The following GALNT15 variants were observed in gnomAD, a reference collection of about 807,000 sequenced individuals.
The protein encoded by GALNT15 is polypeptide N-acetylgalactosaminyltransferase 15.
A neutral mutation model predicts 66.8 loss-of-function variants in GALNT15; 67 were observed. The observed-to-expected ratio is 1.00, with a 90% confidence interval of 0.82 to 1.23. The LOEUF is 1.23. Ranked by LOEUF, GALNT15 falls within the 50% of genes most tolerant of loss-of-function variation. The pLI is 0.00. For missense variants in GALNT15, 827 were observed against 804.3 expected (o/e 1.03, Z -0.34); for synonymous variants, 313 against 311.5 (o/e 1.00, Z -0.05).
Position 16,175,689 on chromosome 3 carries a change from C to T in GALNT15, c.538C>T (p.Leu180=), listed in dbSNP as rs1171257203. The T allele has an allele frequency of 6.4e-7, 1 of 1,572,902 alleles. No individual in the cohort carries two copies. Among genetic ancestry groups the T allele is most frequent in the Non-Finnish European group, 8.6e-7 (1 of 1,159,248 alleles). ...QRALPEVRHP[L]CLQQHPQDSL... is the part of the protein sequence containing the mutation. ...GGCTCTGCCCGAGGTGCGGCACCCACTGTAAGTAAGGCCCTTGTTTTCCCT... is the reference window on the plus strand; with the variant it reads ...GGCTCTGCCCGAGGTGCGGCACCCATTGTAAGTAAGGCCCTTGTTTTCCCT... Residue 180 remains leucine (L), a splice_region_variant and synonymous_variant, in exon 1 of 10, where the codon CTG becomes TTG. Transcript: ENST00000339732. This position sits in a 1 kb window ranked among gnomAD's most constrained non-coding sequence, Gnocchi z 5.6.
rs756051985 is a variant in GALNT15, at chr3:16,193,454, C to T, written c.540-2306C>T. ...TCAAATCATTTATGGAAATAAATAG[C>T]TTGTAAATTTATAAACCAACAAAAT... On this transcript the variant is annotated intron_variant, in intron 1 of 9. Coordinates refer to ENST00000339732, the MANE Select transcript of GALNT15 (RefSeq NM_054110.5). This position sits in a 1 kb window ranked among gnomAD's most constrained non-coding sequence, Gnocchi z 4.7. 2.6e-5 allele frequency among the ~76,000 whole-genome samples: 4 copies of T among 152,086 alleles called. No homozygotes were observed. The highest frequency in any genetic ancestry group is 4.4e-5 in the Non-Finnish European group (3 of 68,012).
rs949695870 is a variant in GALNT15, at chr3:16,219,155, G to A, written c.1393-248G>A. On this transcript the variant is annotated intron_variant, in intron 6 of 9. Transcript: ENST00000339732. The surrounding 1 kb of genome is among the most constrained non-coding windows in gnomAD (Gnocchi z 4.3). ...GGAGATTTGAGGGATTGTGGGAAGGGGCTGATATCACTTACAGTCTTGCTG... is the reference window on the plus strand; with the variant it reads ...GGAGATTTGAGGGATTGTGGGAAGGAGCTGATATCACTTACAGTCTTGCTG... Among the ~76,000 whole-genome samples the A allele has an allele frequency of 1.3e-5, 2 of 152,066 alleles. No homozygotes were observed. The highest frequency in any genetic ancestry group is 2.4e-5 in the African/African-American group (1 of 41,400).
intron 3 of GALNT15, among the ~76,000 whole-genome samples, chr3:16,205,402 G>A (rs1431690093): frequency 6.6e-6 from 1 of 152,200 alleles, no homozygotes; most frequent in Non-Finnish European, 1.5e-5. Context: ...TAATGTATTC[G>A]TTGATCTCAC....
rs1045282200 is a variant in GALNT15 at position 16,203,071 on chromosome 3, T to C, written c.911+2248T>C. On this transcript the variant is annotated intron_variant, in intron 3 of 9. Coordinates refer to ENST00000339732, the MANE Select transcript of GALNT15 (RefSeq NM_054110.5). The surrounding 1 kb of genome is among the most constrained non-coding windows in gnomAD (Gnocchi z 6.2). ...GGCAGGTATTTTAGCTTCTGTTTTA[T>C]AGGGGGAGAAATTGAGGCTCAGAGA... Among the ~76,000 whole-genome samples the C allele has an allele frequency of 2.0e-5, 3 of 152,196 alleles. No homozygotes were observed. Among genetic ancestry groups the C allele is most frequent in the East Asian group, 3.8e-4 (2 of 5,202 alleles).
chr3:16,205,168 T>C (rs2063744331), intron 3 of GALNT15, among the ~76,000 whole-genome samples: 1 of 152,166 alleles, frequency 6.6e-6, no homozygotes, highest in Non-Finnish European at 1.5e-5. Flanking sequence ...GCAAGAGCAC[T>C]GGGAAGGGAG....
Position 16,219,682 on chromosome 3 carries a change from G to T in GALNT15, c.1524+148G>T. ...GGGTCCATCCCGTGCCTCCATGCCAGTCTGAGGAAGGTGGCTGAGTTTTGC... is the reference window on the plus strand; with the variant it reads ...GGGTCCATCCCGTGCCTCCATGCCATTCTGAGGAAGGTGGCTGAGTTTTGC... On this transcript the variant is annotated intron_variant, in intron 7 of 9. Coordinates refer to ENST00000339732, the MANE Select transcript of GALNT15 (RefSeq NM_054110.5). The surrounding 1 kb of genome is among the most constrained non-coding windows in gnomAD (Gnocchi z 4.3). 8.4e-7 allele frequency: 1 copy of T among 1,194,598 alleles called. No individual in the cohort carries two copies. Among genetic ancestry groups the T allele is most frequent in the Non-Finnish European group, 1.2e-6 (1 of 841,858 alleles). The allele number at this position is 1,194,598 out of a possible 1,614,324, so 74.0% of individuals were successfully genotyped here. A position where few individuals can be genotyped will look rare whatever the true frequency, so the allele number is the denominator to read the frequency against.
At chr3:16,178,525 C>T (rs1307430118) in intron 1 of GALNT15, among the ~76,000 whole-genome samples, 1 of 152,180 alleles carries the variant, frequency 6.6e-6, no homozygotes, top group Admixed American at 6.5e-5. Context: ...CTCTGCTGGC[C>T]CCGGCTGGTG....
At chr3:16,207,872 G>A (rs1244871550) in intron 3 of GALNT15, among the ~76,000 whole-genome samples, 1 of 152,202 alleles carries the variant, frequency 6.6e-6, no homozygotes, top group African/African-American at 2.4e-5. Context: ...AAGAGCCACA[G>A]TCCTAGAGCA....
intron 3 of GALNT15, among the ~76,000 whole-genome samples, chr3:16,202,049 A>T (rs2063709035): frequency 6.6e-6 from 1 of 152,250 alleles, no homozygotes; most frequent in Non-Finnish European, 1.5e-5. Flanking sequence ...GAAGTTAGGG[A>T]TGATCAATCA....
In GALNT15 at chr3:16,189,354, G is replaced by A. The variant is rs138682787; in HGVS notation, c.540-6406G>A. ...TCTGAGCATGGCACCCACTGGTGTT[G>A]GGCAATGCACCAGCCCTAGTGGTTG... On this transcript the variant is annotated intron_variant, in intron 1 of 9. Coordinates refer to ENST00000339732, the MANE Select transcript of GALNT15 (RefSeq NM_054110.5). This position sits in a 1 kb window ranked among gnomAD's most constrained non-coding sequence, Gnocchi z 5.1. 3.3e-5 allele frequency among the ~76,000 whole-genome samples: 5 copies of A among 152,280 alleles called. No homozygotes were observed. The highest frequency in any genetic ancestry group is 1.2e-4 in the African/African-American group (5 of 41,558).
chr3:16,246,293 TG>T, the GALNT15 span, among the ~76,000 whole-genome samples: 1 of 150,446 alleles, frequency 6.6e-6, no homozygotes, highest in Non-Finnish European at 1.5e-5. Context: ...TGCCCTCCTC[TG>T]GGACAAACAT....
At chr3:16,222,298 G>A (rs905114489) in intron 8 of GALNT15, among the ~76,000 whole-genome samples, 21 of 152,294 alleles carry the variant, frequency 1.4e-4, no homozygotes, top group African/African-American at 5.1e-4. Context: ...CCTCATCTGT[G>A]CTTTCAACAG....
At chr3:16,190,530 C>T (rs987037084) in intron 1 of GALNT15, among the ~76,000 whole-genome samples, 4 of 151,092 alleles carry the variant, frequency 2.6e-5, no homozygotes, top group Non-Finnish European at 5.9e-5. Context: ...CCCAGCTACT[C>T]AGGAGGCTGA....
Position 16,195,500 on chromosome 3 carries a change from C to T in GALNT15, c.540-260C>T, listed in dbSNP as rs892221617. Among the ~76,000 whole-genome samples the T allele has an allele frequency of 1.7e-4, 26 of 152,150 alleles. No homozygotes were observed. The highest frequency in any genetic ancestry group is 3.1e-4 in the Non-Finnish European group (21 of 68,024). ...GAGGACAGTCATTTGCTGAGGATGA[C>T]GGCAACGCTTCTCAATTGCAATGAG... On this transcript the variant is annotated intron_variant, in intron 1 of 9. Coordinates refer to ENST00000339732, the MANE Select transcript of GALNT15 (RefSeq NM_054110.5). The surrounding 1 kb of genome is among the most constrained non-coding windows in gnomAD (Gnocchi z 4.6).
At chr3:16,220,746 G>A (rs543269245) in intron 8 of GALNT15, among the ~76,000 whole-genome samples, 64 of 152,326 alleles carry the variant, frequency 4.2e-4, no homozygotes, top group Admixed American at 1.0e-3. Flanking sequence ...AAGATCTGGG[G>A]GGCAAAAGAC....
chr3:16,245,309 G>T, the GALNT15 span, among the ~76,000 whole-genome samples: 2 of 152,180 alleles, frequency 1.3e-5, no homozygotes, highest in Admixed American at 1.3e-4. Context: ...TCCAGTCCTT[G>T]TCTCATGCTC....
At position 16,188,147 on chromosome 3, in the gene GALNT15, C is replaced by A. The variant is rs1245994057; in HGVS notation, c.540-7613C>A. Among the ~76,000 whole-genome samples the A allele has an allele frequency of 6.6e-6, 1 of 152,214 alleles. No individual in the cohort carries two copies. The highest frequency in any genetic ancestry group is 1.5e-5 in the Non-Finnish European group (1 of 68,044). On this transcript the variant is annotated intron_variant, in intron 1 of 9. Coordinates refer to ENST00000339732, the MANE Select transcript of GALNT15 (RefSeq NM_054110.5). This position sits in a 1 kb window ranked among gnomAD's most constrained non-coding sequence, Gnocchi z 4.6. ...CTAGCCTCACGCTCTTCCCCCCAGA[C>A]CATTATCCTGGCTCCGGCTGTATAT...
At chr3:16,226,284 TTG>T (rs1312968056) in intron 9 of GALNT15, among the ~76,000 whole-genome samples, 1 of 152,132 alleles carries the variant, frequency 6.6e-6, no homozygotes, top group Non-Finnish European at 1.5e-5. Context: ...TTGCACAACT[TTG>T]TGAATATACT....
At chr3:16,202,515 C>A (rs2063714308) in intron 3 of GALNT15, among the ~76,000 whole-genome samples, 1 of 152,170 alleles carries the variant, frequency 6.6e-6, no homozygotes, top group South Asian at 2.1e-4. Context: ...CGCCTGTAAT[C>A]CCAGCTACTC....
Sources: gnomAD v4.1 joint callset for allele counts (sites outside exome capture counted in the v4.1 genomes callset) on GRCh38, gnomAD v4.1.1 for gene constraint, Gnocchi (gnomAD v3.1) non-coding constraint, MANE v1.5 for transcripts, NCBI Gene and HGNC (gene_info 2026-07-23, HGNC 2026-07-21) for gene names.